CEBPD: variants seen among roughly 807,000 people sequenced by gnomAD.
The protein encoded by CEBPD is CCAAT/enhancer-binding protein delta.
For missense variants in CEBPD, 410 were observed against 409.4 expected (o/e 1.00, Z -0.01); for synonymous variants, 227 against 194.8 (o/e 1.17, Z -1.38).
At position 47,737,425 on chromosome 8, in the gene CEBPD, C is replaced by T. The variant is rs773020210; in HGVS notation, c.696G>A (p.Lys232=). ...TGAGCTGCTCCACGCGCTGGTGCAG[C>T]TTCTCGTTCTCAGCCGACAGCTCCA... ...KLVELSAENE[K]LHQRVEQLTR... Residue 232 remains lysine, a synonymous_variant, in exon 1 of 1, where the codon AAG becomes AAA. Coordinates refer to ENST00000408965, the MANE Select transcript of CEBPD (RefSeq NM_005195.4). 1.9e-6 allele frequency: 3 copies of T among 1,606,688 alleles called. No homozygotes were observed. Among genetic ancestry groups the T allele is most frequent in the Non-Finnish European group, 2.5e-6 (3 of 1,178,244 alleles).
chr8:47,737,982 C>A lies in CEBPD; in HGVS notation c.139G>T (p.Ala47Ser). ...TCGTCGTACATGGCGGGGGCGGCGG[C>A]GCCTGGCTCGCCTAGGGCCCCTGGC... Reference protein sequence around the residue: ...AEPGALGEPGAAAPAMYDDES... With the variant: ...AEPGALGEPGSAAPAMYDDES... Residue 47 changes from alanine to serine, a missense_variant, in exon 1 of 1, where the codon GCC (alanine) becomes TCC (serine). By Grantham distance (99) the Ala-to-Ser change is moderately conservative. Coordinates refer to ENST00000408965, the MANE Select transcript of CEBPD (RefSeq NM_005195.4). 1.4e-6 allele frequency: 2 copies of A among 1,460,222 alleles called. No individual in the cohort carries two copies. Among genetic ancestry groups the A allele is most frequent in the Non-Finnish European group, 1.8e-6 (2 of 1,101,240 alleles). 90.5% of individuals were successfully genotyped at this position (1,460,222 alleles called of 1,614,324 possible). A position where few individuals can be genotyped will look rare whatever the true frequency, so the allele number is the denominator to read the frequency against.
chr8:47,737,654 G>C lies in CEBPD; in HGVS notation c.467C>G (p.Thr156Ser), dbSNP rs2086277295. 2.4e-6 allele frequency: 3 copies of C among 1,267,730 alleles called. No homozygotes were observed. The South Asian group carries it at 8.9e-5, about 38-fold the overall frequency. 78.5% of individuals were successfully genotyped at this position (1,267,730 alleles called of 1,614,324 possible). Residue 156 changes from threonine to serine, a missense_variant, in exon 1 of 1, where the codon ACC becomes AGC. Coordinates refer to ENST00000408965, the MANE Select transcript of CEBPD (RefSeq NM_005195.4). The part of the protein sequence containing the change: ...VVSLAAAGQP[T>S]PPTSPEPPRS... Reference sequence around the variant, plus strand: ...CGGCGGCTCCGGCGACGTGGGCGGGGTGGGCTGCCCTGCGGCCGCCAAGCT... The same window carrying C: ...CGGCGGCTCCGGCGACGTGGGCGGGCTGGGCTGCCCTGCGGCCGCCAAGCT...
Position 47,737,986 on chromosome 8 carries a change from T to A in CEBPD, c.135A>T (p.Pro45=). Residue 45 remains proline (P), a synonymous_variant, in exon 1 of 1, where the codon CCA becomes CCT. Transcript: ENST00000408965. ...CGTACATGGCGGGGGCGGCGGCGCC[T>A]GGCTCGCCTAGGGCCCCTGGCTCGG... is the stretch of plus-strand genomic sequence containing the variant. ...RGAEPGALGE[P]GAAAPAMYDD... The A allele has an allele frequency of 6.8e-7, 1 of 1,460,124 alleles. No individual in the cohort carries two copies. Among genetic ancestry groups the A allele is most frequent in the Non-Finnish European group, 9.1e-7 (1 of 1,101,130 alleles). The allele number at this position is 1,460,124 out of a possible 1,614,324, so 90.4% of individuals were successfully genotyped here.
rs1381307615 is a variant in CEBPD at position 47,737,772 on chromosome 8, G to A, written c.349C>T (p.Arg117Cys). 1 of 1,275,734 alleles carries A rather than the reference G, an allele frequency of 7.8e-7. No individual in the cohort carries two copies. The highest frequency in any genetic ancestry group is 9.9e-7 in the Non-Finnish European group (1 of 1,014,742). 79.0% of individuals were successfully genotyped at this position (1,275,734 alleles called of 1,614,324 possible). ...RPLGPGPAAP[R>C]LLKREPDWGD... is the part of the protein sequence containing the mutation. ...CAGTCGGGCTCGCGCTTGAGCAGGCGGGGAGCGGCAGGGCCCGGGCCCAAG... is the reference window on the plus strand; with the variant it reads ...CAGTCGGGCTCGCGCTTGAGCAGGCAGGGAGCGGCAGGGCCCGGGCCCAAG... The change falls in exon 1 of 1, where the codon CGC (arginine) becomes TGC (cysteine). Residue 117 changes from arginine to cysteine, a missense_variant. Arg to Cys is a radical substitution (Grantham distance 180). Coordinates refer to ENST00000408965, the MANE Select transcript of CEBPD (RefSeq NM_005195.4).
rs2086284192 is a variant in CEBPD, at chr8:47,737,886, C to T, written c.235G>A (p.Asp79Asn). 1.3e-6 allele frequency: 2 copies of T among 1,514,192 alleles called. No individual in the cohort carries two copies. Among genetic ancestry groups the T allele is most frequent in the South Asian group, 1.2e-5 (1 of 81,572 alleles). The allele number at this position is 1,514,192 out of a possible 1,614,324, so 93.8% of individuals were successfully genotyped here. A position where few individuals can be genotyped will look rare whatever the true frequency, so the allele number is the denominator to read the frequency against. Reference protein sequence around the residue: ...AAVPTLELCHDELFADLFNSN... With the variant: ...AAVPTLELCHNELFADLFNSN... ...TTGAAGAGGTCGGCGAAGAGCTCGTCGTGGCACAGCTCCAGGGTGGGCACG... is the reference window on the plus strand; with the variant it reads ...TTGAAGAGGTCGGCGAAGAGCTCGTTGTGGCACAGCTCCAGGGTGGGCACG... Residue 79 changes from aspartate to asparagine, a missense_variant, in exon 1 of 1, where the codon GAC becomes AAC. By Grantham distance (23) the Asp-to-Asn change is conservative. Transcript: ENST00000408965.
chr8:47,737,804 G>T lies in CEBPD; in HGVS notation c.317C>A (p.Ala106Glu). 7.4e-7 allele frequency: 1 copy of T among 1,352,650 alleles called. No individual in the cohort carries two copies. The highest frequency in any genetic ancestry group is 9.5e-7 in the Non-Finnish European group (1 of 1,055,498). The allele number at this position is 1,352,650 out of a possible 1,614,324, so 83.8% of individuals were successfully genotyped here. A position where few individuals can be genotyped will look rare whatever the true frequency, so the allele number is the denominator to read the frequency against. Residue 106 changes from alanine (A) to glutamate (E), a missense_variant, in exon 1 of 1, where the codon GCG becomes GAG. By Grantham distance (107) the Ala-to-Glu change is moderately radical. Transcript: ENST00000408965. ...GGCAGGGCCCGGGCCCAAGGGGCGC[G>T]CGGGGCCGCCGGGAAGAAGCTCCAG... is the stretch of plus-strand genomic sequence containing the variant. ...GPLELLPGGP[A>E]RPLGPGPAAP...
chr8:47,737,615 C>T lies in CEBPD; in HGVS notation c.506G>A (p.Arg169Lys). 7.6e-7 allele frequency: 1 copy of T among 1,311,400 alleles called. No homozygotes were observed. The highest frequency in any genetic ancestry group is 9.7e-7 in the Non-Finnish European group (1 of 1,035,900). The allele number at this position is 1,311,400 out of a possible 1,614,324, so 81.2% of individuals were successfully genotyped here. Residue 169 changes from arginine (R) to lysine (K), a missense_variant, in exon 1 of 1, where the codon AGG becomes AAG. Arg to Lys is a conservative substitution (Grantham distance 26). Coordinates refer to ENST00000408965, the MANE Select transcript of CEBPD (RefSeq NM_005195.4). ...TSPEPPRSSPRQTPAPGPARE... is the reference protein window; with the variant it reads ...TSPEPPRSSPKQTPAPGPARE... ...GGCGGGGCCGGGCGCGGGGGTCTGC[C>T]TGGGGCTGCTGCGCGGCGGCTCCGG...
In CEBPD at chr8:47,737,983, G is replaced by GCCTGGCTCGCCTAGGGCC; in HGVS notation, c.120_137dup (p.Leu42_Ala47dup). On this transcript the variant is annotated inframe_insertion, in exon 1 of 1. Coordinates refer to ENST00000408965, the MANE Select transcript of CEBPD (RefSeq NM_005195.4). ...CGTCGTACATGGCGGGGGCGGCGGCGCCTGGCTCGCCTAGGGCCCCTGGCT... is the reference window on the plus strand; with the variant it reads ...CGTCGTACATGGCGGGGGCGGCGGCGCCTGGCTCGCCTAGGGCCCCTGGCTCGCCTAGGGCCCCTGGCT... 1.4e-6 allele frequency: 2 copies of GCCTGGCTCGCCTAGGGCC among 1,460,860 alleles called. No homozygotes were observed. Among genetic ancestry groups the GCCTGGCTCGCCTAGGGCC allele is most frequent in the South Asian group, 2.7e-5 (2 of 72,732 alleles). 90.5% of individuals were successfully genotyped at this position (1,460,860 alleles called of 1,614,324 possible).
chr8:47,737,250 C>T lies in CEBPD; in HGVS notation c.*61G>A. 6.9e-7 allele frequency: 1 copy of T among 1,448,514 alleles called. No homozygotes were observed. The highest frequency in any genetic ancestry group is 9.2e-7 in the Non-Finnish European group (1 of 1,091,180). The allele number at this position is 1,448,514 out of a possible 1,614,324, so 89.7% of individuals were successfully genotyped here. A position where few individuals can be genotyped will look rare whatever the true frequency, so the allele number is the denominator to read the frequency against. Reference sequence around the variant, plus strand: ...CTGCGCCAGGGCAGGGCGCGCTCCGCTCCGGGCCGTCGGGTCTGAGGTATG... The same window carrying T: ...CTGCGCCAGGGCAGGGCGCGCTCCGTTCCGGGCCGTCGGGTCTGAGGTATG... On this transcript the variant is annotated 3_prime_UTR_variant, in exon 1 of 1. Transcript: ENST00000408965.
Position 47,737,979 on chromosome 8 carries a change from C to A in CEBPD, c.142G>T (p.Ala48Ser), listed in dbSNP as rs1006074015. ...TCGTCGTCGTACATGGCGGGGGCGG[C>A]GGCGCCTGGCTCGCCTAGGGCCCCT... Reference protein sequence around the residue: ...EPGALGEPGAAAPAMYDDESA... With the variant: ...EPGALGEPGASAPAMYDDESA... Residue 48 changes from alanine (A) to serine (S), a missense_variant, in exon 1 of 1, where the codon GCC (alanine) becomes TCC (serine). Coordinates refer to ENST00000408965, the MANE Select transcript of CEBPD (RefSeq NM_005195.4). The A allele has an allele frequency of 1.8e-5, 26 of 1,466,864 alleles. No homozygotes were observed. The highest frequency in any genetic ancestry group is 2.4e-5 in the Non-Finnish European group (26 of 1,104,276). The allele number at this position is 1,466,864 out of a possible 1,614,324, so 90.9% of individuals were successfully genotyped here.
In CEBPD at chr8:47,737,554, G is replaced by A. The variant is rs753893023; in HGVS notation, c.567C>T (p.Arg189=). The change falls in exon 1 of 1, where the codon CGC becomes CGT. Residue 189 remains arginine (R), a synonymous_variant. Transcript: ENST00000408965. ...EKSAGKRGPD[R]GSPEYRQRRE... ...GCCGCTGCCGGTACTCGGGGCTGCCGCGGTCCGGGCCCCTCTTGCCGGCGC... is the reference window on the plus strand; with the variant it reads ...GCCGCTGCCGGTACTCGGGGCTGCCACGGTCCGGGCCCCTCTTGCCGGCGC... The A allele has an allele frequency of 6.3e-7, 1 of 1,592,384 alleles. No homozygotes were observed. The highest frequency in any genetic ancestry group is 1.4e-5 in the African/African-American group (1 of 72,676).
At position 47,737,748 on chromosome 8, in the gene CEBPD, A is replaced by G; in HGVS notation, c.373T>C (p.Trp125Arg). 2 of 1,225,630 alleles carry G rather than the reference A, an allele frequency of 1.6e-6. No individual in the cohort carries two copies. Among genetic ancestry groups the G allele is most frequent in the Non-Finnish European group, 2.0e-6 (2 of 985,928 alleles). The allele number at this position is 1,225,630 out of a possible 1,614,324, so 75.9% of individuals were successfully genotyped here. A position where few individuals can be genotyped will look rare whatever the true frequency, so the allele number is the denominator to read the frequency against. The stretch of plus-strand genomic sequence containing the variant: ...GAGCCGGGCGCGTCGCCGTCGCCCC[A>G]GTCGGGCTCGCGCTTGAGCAGGCGG... The part of the protein sequence containing the change: ...APRLLKREPD[W>R]GDGDAPGSLL... Residue 125 changes from tryptophan (W) to arginine (R), a missense_variant, in exon 1 of 1, where the codon TGG becomes CGG. Physicochemically the swap from Trp to Arg is moderately radical, Grantham distance 101 (BLOSUM62 -3). Coordinates refer to ENST00000408965, the MANE Select transcript of CEBPD (RefSeq NM_005195.4).
rs779290520 is a variant in CEBPD, at chr8:47,737,375, T to C, written c.746A>G (p.Gln249Arg). Residue 249 changes from glutamine to arginine, a missense_variant, in exon 1 of 1, where the codon CAG becomes CGG. Coordinates refer to ENST00000408965, the MANE Select transcript of CEBPD (RefSeq NM_005195.4). ...QLTRDLAGLRQFFKQLPSPPF... is the reference protein window; with the variant it reads ...QLTRDLAGLRRFFKQLPSPPF... ...CGGGCTGGGCAGCTGCTTGAAGAAC[T>C]GCCGGAGGCCGGCCAGGTCCCGCGT... 37 of 1,600,996 alleles carry C rather than the reference T, an allele frequency of 2.3e-5. 2 individuals carry two copies. The highest frequency in any genetic ancestry group is 2.4e-5 in the Non-Finnish European group (28 of 1,175,894).
Position 47,737,987 on chromosome 8 carries a change from G to A in CEBPD, c.134C>T (p.Pro45Leu), listed in dbSNP as rs776719265. The A allele has an allele frequency of 2.7e-6, 4 of 1,457,682 alleles. No individual in the cohort carries two copies. The highest frequency in any genetic ancestry group is 2.7e-6 in the Non-Finnish European group (3 of 1,100,030). 90.3% of individuals were successfully genotyped at this position (1,457,682 alleles called of 1,614,324 possible). A position where few individuals can be genotyped will look rare whatever the true frequency, so the allele number is the denominator to read the frequency against. ...GTACATGGCGGGGGCGGCGGCGCCT[G>A]GCTCGCCTAGGGCCCCTGGCTCGGC... ...RGAEPGALGEPGAAAPAMYDD... is the reference protein window; with the variant it reads ...RGAEPGALGELGAAAPAMYDD... The change falls in exon 1 of 1, where the codon CCA becomes CTA. Residue 45 changes from proline to leucine, a missense_variant. Transcript: ENST00000408965.
chr8:47,737,673 C>T lies in CEBPD; in HGVS notation c.448G>A (p.Ala150Thr). ...GGCGGGGTGGGCTGCCCTGCGGCCG[C>T]CAAGCTCACCACGGTCTGTGCGCAC... ...AACAQTVVSL[A>T]AAGQPTPPTS... Residue 150 changes from alanine (A) to threonine (T), a missense_variant, in exon 1 of 1, where the codon GCG (alanine) becomes ACG (threonine). Transcript: ENST00000408965. The T allele has an allele frequency of 8.1e-7, 1 of 1,241,890 alleles. No individual in the cohort carries two copies. The highest frequency in any genetic ancestry group is 1.0e-6 in the Non-Finnish European group (1 of 997,212). The allele number at this position is 1,241,890 out of a possible 1,614,324, so 76.9% of individuals were successfully genotyped here. A position where few individuals can be genotyped will look rare whatever the true frequency, so the allele number is the denominator to read the frequency against.
At position 47,737,651 on chromosome 8, in the gene CEBPD, G is replaced by A. The variant is rs1280269497; in HGVS notation, c.470C>T (p.Pro157Leu). 3 of 1,268,516 alleles carry A rather than the reference G, an allele frequency of 2.4e-6. No homozygotes were observed. Among genetic ancestry groups the A allele is most frequent in the Non-Finnish European group, 3.0e-6 (3 of 1,012,816 alleles). The allele number at this position is 1,268,516 out of a possible 1,614,324, so 78.6% of individuals were successfully genotyped here. The change falls in exon 1 of 1, where the codon CCG becomes CTG. Residue 157 changes from proline (P) to leucine (L), a missense_variant. Transcript: ENST00000408965. ...GCGCGGCGGCTCCGGCGACGTGGGC[G>A]GGGTGGGCTGCCCTGCGGCCGCCAA... ...VSLAAAGQPT[P>L]PTSPEPPRSS...
In CEBPD at chr8:47,738,073, G is replaced by A; in HGVS notation, c.48C>T (p.Pro16=). The A allele has an allele frequency of 8.3e-7, 1 of 1,201,680 alleles. No individual in the cohort carries two copies. Among genetic ancestry groups the A allele is most frequent in the Non-Finnish European group, 1.0e-6 (1 of 969,622 alleles). 74.4% of individuals were successfully genotyped at this position (1,201,680 alleles called of 1,614,324 possible). A position where few individuals can be genotyped will look rare whatever the true frequency, so the allele number is the denominator to read the frequency against. The change falls in exon 1 of 1, where the codon CCC becomes CCT. Residue 16 remains proline (P), a synonymous_variant. Coordinates refer to ENST00000408965, the MANE Select transcript of CEBPD (RefSeq NM_005195.4). The surrounding 1 kb of genome is among the most constrained non-coding windows in gnomAD (Gnocchi z 4.1). The part of the protein sequence containing the change: ...FSLDGPARGA[P]WPAEPAPFYE... Reference sequence around the variant, plus strand: ...AGAAGGGCGCAGGCTCCGCAGGCCAGGGCGCGCCGCGCGCCGGGCCGTCCA... The same window carrying A: ...AGAAGGGCGCAGGCTCCGCAGGCCAAGGCGCGCCGCGCGCCGGGCCGTCCA...
rs1052588734 is a variant in CEBPD at position 47,737,734 on chromosome 8, G to C, written c.387C>G (p.Asp129Glu). 4.9e-6 allele frequency: 6 copies of C among 1,214,522 alleles called. No homozygotes were observed. The highest frequency in any genetic ancestry group is 5.1e-6 in the Non-Finnish European group (5 of 978,812). 75.2% of individuals were successfully genotyped at this position (1,214,522 alleles called of 1,614,324 possible). Residue 129 changes from aspartate (D) to glutamate (E), a missense_variant, in exon 1 of 1, where the codon GAC (aspartate) becomes GAG (glutamate). Physicochemically the swap from Asp to Glu is conservative, Grantham distance 45. Transcript: ENST00000408965. ...LKREPDWGDGDAPGSLLPAQV... is the reference protein window; with the variant it reads ...LKREPDWGDGEAPGSLLPAQV... ...GCGCGGGCAACAGCGAGCCGGGCGC[G>C]TCGCCGTCGCCCCAGTCGGGCTCGC...
At position 47,737,826 on chromosome 8, in the gene CEBPD, C is replaced by G. The variant is rs955476252; in HGVS notation, c.295G>C (p.Glu99Gln). 1 of 1,432,036 alleles carries G rather than the reference C, an allele frequency of 7.0e-7. No homozygotes were observed. The highest frequency in any genetic ancestry group is 9.2e-7 in the Non-Finnish European group (1 of 1,091,316). The allele number at this position is 1,432,036 out of a possible 1,614,324, so 88.7% of individuals were successfully genotyped here. ...CGCGCGGGGCCGCCGGGAAGAAGCT[C>G]CAGGGGCCCCGCGCCGCCCGCCTTG... ...NHKAGGAGPL[E>Q]LLPGGPARPL... The change falls in exon 1 of 1, where the codon GAG becomes CAG. Residue 99 changes from glutamate (E) to glutamine (Q), a missense_variant. Coordinates refer to ENST00000408965, the MANE Select transcript of CEBPD (RefSeq NM_005195.4).
Sources: allele counts gnomAD v4.1 joint callset, GRCh38; gene constraint gnomAD v4.1.1; non-coding constraint Gnocchi (gnomAD v3.1); transcripts MANE v1.5; gene names NCBI Gene and HGNC (gene_info 2026-07-23, HGNC 2026-07-21).